Variants in PLBD1 observed in about 807,000 individuals in gnomAD.
PLBD1 encodes phospholipase B domain containing 1.
PLBD1 carries 60 observed loss-of-function variants against 63.0 expected under a neutral mutation model. The observed-to-expected ratio is 0.95, with a 90% confidence interval of 0.77 to 1.18. The LOEUF is 1.18. Among genes scored for constraint, PLBD1 ranks in the 50% most tolerant of loss-of-function variants. PLBD1 has a pLI of 0.00. For missense variants in PLBD1, 598 were observed against 677.9 expected, an observed-to-expected ratio of 0.88 and a Z score of 1.31; for synonymous variants, 262 against 248.0, an observed-to-expected ratio of 1.06 and a Z score of -0.53.
At chr12:14,540,105 A>ATT (rs376424974) in intron 4 of PLBD1, among the ~76,000 whole-genome samples, 530 of 3,494 alleles carry the variant, frequency 0.15, 63 homozygotes, top group Middle Eastern at 0.5. Context: ...TAATATAAAT[A>ATT]TTATTTATAT....
At chr12:14,543,875 T>C (rs1945594721) in intron 2 of PLBD1, among the ~76,000 whole-genome samples, 1 of 152,202 alleles carries the variant, frequency 6.6e-6, no homozygotes. Flanking sequence ...TTAATAGACG[T>C]CTTTGGGTGG....
intron 6 of PLBD1, among the ~76,000 whole-genome samples, chr12:14,519,214 C>G (rs1945357166): frequency 6.6e-6 from 1 of 151,990 alleles, no homozygotes; most frequent in South Asian, 2.1e-4. Context: ...AAGTCTTAAC[C>G]CCTAGTACCT....
intron 10 of PLBD1, among the ~76,000 whole-genome samples, chr12:14,504,820 A>G (rs936935688): frequency 1.3e-5 from 2 of 152,210 alleles, no homozygotes; most frequent in African/African-American, 4.8e-5. Context: ...TCTTTTCCCC[A>G]TATTCAAAAT....
At chr12:14,536,524 AG>A in intron 5 of PLBD1, 45 bp downstream of exon 5, 1 of 1,598,784 alleles carries the variant, frequency 6.3e-7, no homozygotes. Context: ...ATATAGAAAA[AG>A]TCTGTATGAA....
chr12:14,553,351 T>C lies in PLBD1; in HGVS notation c.177A>G (p.Val59=). Residue 59 remains valine, a synonymous_variant, in exon 2 of 11, where the codon GTA becomes GTG. Coordinates refer to ENST00000240617, the MANE Select transcript of PLBD1 (RefSeq NM_024829.6). Reference sequence around the variant, plus strand: ...CATAGGCGTCCCCATTCTTGTCCATTACATTTTTGACTTGTACTGTCTTTT... The same window carrying C: ...CATAGGCGTCCCCATTCTTGTCCATCACATTTTTGACTTGTACTGTCTTTT... ...PAEKTVQVKN[V]MDKNGDAYGF... 2 of 1,614,218 alleles carry C rather than the reference T, an allele frequency of 1.2e-6. No individual in the cohort carries two copies. Among genetic ancestry groups the C allele is most frequent in the Non-Finnish European group, 8.5e-7 (1 of 1,180,042 alleles).
chr12:14,553,660 G>A, intron 1 of PLBD1: 3 of 542,456 alleles, frequency 5.5e-6, no homozygotes, highest in Non-Finnish European at 9.9e-6. Flanking sequence ...CATCATAGAG[G>A]TGAGCCTGAG....
At chr12:14,542,349 A>G in intron 2 of PLBD1, 58 bp from the exon 3 acceptor site, 1 of 1,333,416 alleles carries the variant, frequency 7.5e-7, no homozygotes, top group Non-Finnish European at 1.1e-6. Flanking sequence ...TTTCTCCATC[A>G]CAGTAAATTA....
chr12:14,567,177 G>C (rs182210087), intron 1 of PLBD1, among the ~76,000 whole-genome samples: 1 of 152,270 alleles, frequency 6.6e-6, no homozygotes, highest in East Asian at 1.9e-4. Context: ...GTGATTTTAA[G>C]CCAAAGTCAA....
At chr12:14,506,813 A>G (rs1409551716) in intron 9 of PLBD1, 120 bp downstream of exon 9, 3 of 828,948 alleles carry the variant, frequency 3.6e-6, no homozygotes, top group Non-Finnish European at 5.4e-6. Context: ...TATTAGTTAA[A>G]TACTTAAATA....
intron 6 of PLBD1, among the ~76,000 whole-genome samples, chr12:14,529,558 C>T (rs951959661): frequency 6.6e-6 from 1 of 151,980 alleles, no homozygotes; most frequent in Non-Finnish European, 1.5e-5. Flanking sequence ...AGAAAGAATT[C>T]AGAAAAATGC....
chr12:14,559,166 A>G (rs1336499378), intron 1 of PLBD1, among the ~76,000 whole-genome samples: 1 of 152,252 alleles, frequency 6.6e-6, no homozygotes, highest in Non-Finnish European at 1.5e-5. Flanking sequence ...GTGAAAAGGT[A>G]GAAAAATAGT....
chr12:14,546,768 A>G (rs1413527128), intron 2 of PLBD1, among the ~76,000 whole-genome samples: 1 of 152,242 alleles, frequency 6.6e-6, no homozygotes, highest in Non-Finnish European at 1.5e-5. Flanking sequence ...ATTAATCCTG[A>G]CTTGAGTGTC....
At chr12:14,563,651 C>A (rs1945760052) in intron 1 of PLBD1, among the ~76,000 whole-genome samples, 1 of 152,202 alleles carries the variant, frequency 6.6e-6, no homozygotes, top group African/African-American at 2.4e-5. Flanking sequence ...GCACTTACTG[C>A]ATGTCAGGCA....
chr12:14,563,522 A>C (rs952446797), intron 1 of PLBD1, among the ~76,000 whole-genome samples: 12 of 13,676 alleles, frequency 8.8e-4, no homozygotes, highest in Admixed American at 1.2e-3. Context: ...TGTCTCAAAA[A>C]AACAACAAAA....
At chr12:14,539,150 T>C (rs1404380842) in intron 4 of PLBD1, among the ~76,000 whole-genome samples, 1 of 152,236 alleles carries the variant, frequency 6.6e-6, no homozygotes, top group East Asian at 1.9e-4. Flanking sequence ...TTTGTTATAC[T>C]GTATAATACA....
chr12:14,541,930 A>C (rs913025046), intron 3 of PLBD1, among the ~76,000 whole-genome samples: 2 of 152,218 alleles, frequency 1.3e-5, no homozygotes, highest in African/African-American at 4.8e-5. Context: ...CCAGGGACTT[A>C]ACACTGGTAC....
intron 6 of PLBD1, among the ~76,000 whole-genome samples, chr12:14,523,505 G>GA (rs1945393212): frequency 6.6e-6 from 1 of 152,092 alleles, no homozygotes; most frequent in South Asian, 2.1e-4. Context: ...AACCTCAAAA[G>GA]ACCCCAAATA....
intron 1 of PLBD1, 27 bp downstream of exon 1, chr12:14,567,555 C>A (rs1945801684): frequency 1.4e-6 from 2 of 1,477,628 alleles, no homozygotes; most frequent in African/African-American, 2.9e-5. Flanking sequence ...CCCCGGGCGC[C>A]CCCCGCCCAG....
intron 6 of PLBD1, among the ~76,000 whole-genome samples, chr12:14,526,176 C>G (rs1409850757): frequency 1.3e-5 from 2 of 152,028 alleles, no homozygotes; most frequent in African/African-American, 2.4e-5. Context: ...GTAAATGACC[C>G]AAACACTTCC....
Sources: allele counts gnomAD v4.1 joint callset (sites outside exome capture counted in the v4.1 genomes callset), GRCh38; gene constraint gnomAD v4.1.1; transcripts MANE v1.5; gene names NCBI Gene and HGNC (gene_info 2026-07-23, HGNC 2026-07-21).